ZNF469: variants seen among roughly 807,000 people sequenced by gnomAD.
The protein encoded by ZNF469 is zinc finger protein 469.
Under a neutral mutation model 1.0 loss-of-function variants are expected in ZNF469, and 1 was observed. The ratio of observed to expected loss-of-function variants is 1.00; its 90% confidence interval spans 0.35 to 4.73. The LOEUF is 4.73. Among genes scored for constraint, ZNF469 ranks in the 30% most tolerant of loss-of-function variants. ZNF469 has a pLI of 0.16. For synonymous variants in ZNF469, 2,703 were observed against 2,363.4 expected, an observed-to-expected ratio of 1.14 and a Z score of -4.17; for missense variants, 6,100 against 5,356.3, an observed-to-expected ratio of 1.14 and a Z score of -4.33.
the ZNF469 span, among the ~76,000 whole-genome samples, chr16:88,260,297 G>T: frequency 3.9e-5 from 6 of 152,178 alleles, no homozygotes; most frequent in African/African-American, 1.4e-4. The surrounding 1 kb of genome is among the most constrained non-coding windows in gnomAD (Gnocchi z 4.1). Flanking sequence ...CCAAAAAGTC[G>T]CTTTAAAAAG....
chr16:88,416,600 GC>G (rs2142287258), intron 1 of ZNF469, among the ~76,000 whole-genome samples: 1 of 152,338 alleles, frequency 6.6e-6, no homozygotes, highest in East Asian at 1.9e-4. Flanking sequence ...CACTTCAGAC[GC>G]CACCACCATT....
At chr16:88,128,677 C>T in the ZNF469 span, among the ~76,000 whole-genome samples, 1 of 152,238 alleles carries the variant, frequency 6.6e-6, no homozygotes, top group Non-Finnish European at 1.5e-5. Context: ...GAGCCTGCTC[C>T]CCATGACGCT....
the ZNF469 span, among the ~76,000 whole-genome samples, chr16:88,115,111 C>T: frequency 6.6e-5 from 10 of 152,158 alleles, no homozygotes; most frequent in Non-Finnish European, 1.2e-4. Flanking sequence ...CTGTCTTAAC[C>T]ATGCTGCCTG....
upstream of ZNF469, among the ~76,000 whole-genome samples, chr16:88,380,484 T>G (rs1194086330): frequency 1.2e-5 from 1 of 83,464 alleles, no homozygotes; most frequent in Non-Finnish European, 2.4e-5. Flanking sequence ...CACACATACG[T>G]GCACACACAC....
At chr16:88,101,965 T>C in the ZNF469 span, among the ~76,000 whole-genome samples, 3 of 152,012 alleles carry the variant, frequency 2.0e-5, no homozygotes, top group Non-Finnish European at 4.4e-5. Flanking sequence ...CAGGTCAGGA[T>C]TGTAAACTCC....
At chr16:88,297,701 T>C in the ZNF469 span, among the ~76,000 whole-genome samples, 1 of 152,126 alleles carries the variant, frequency 6.6e-6, no homozygotes, top group Non-Finnish European at 1.5e-5. Context: ...CGGAGCCCCC[T>C]CTGCCTCCCT....
chr16:88,300,124 G>C, the ZNF469 span, among the ~76,000 whole-genome samples: 1 of 152,202 alleles, frequency 6.6e-6, no homozygotes, highest in Non-Finnish European at 1.5e-5. Flanking sequence ...CCTGGGAAAA[G>C]GAAACTGGAA....
the ZNF469 span, among the ~76,000 whole-genome samples, chr16:88,359,077 G>A: frequency 2.6e-5 from 4 of 152,230 alleles, no homozygotes; most frequent in African/African-American, 4.8e-5. Context: ...CTGCCCCAAA[G>A]ATGCTGTCAC....
chr16:88,433,145 G>A lies in ZNF469; in HGVS notation c.5675G>A (p.Arg1892Lys), dbSNP rs528085780. The A allele has an allele frequency of 2.9e-4, 456 of 1,550,358 alleles. 1 individual carries two copies. The highest frequency in any genetic ancestry group is 5.9e-4 in the South Asian group (50 of 84,066). Reference protein sequence around the residue: ...ACVSNTHPSRRSQDPALSPPI... With the variant: ...ACVSNTHPSRKSQDPALSPPI... Reference sequence around the variant, plus strand: ...GTATCCAACACCCACCCTAGCAGGAGGTCCCAGGACCCAGCTTTGAGCCCC... The same window carrying A: ...GTATCCAACACCCACCCTAGCAGGAAGTCCCAGGACCCAGCTTTGAGCCCC... The change falls in exon 3 of 3, where the codon AGG (arginine) becomes AAG (lysine). Residue 1892 changes from arginine to lysine, a missense_variant. Arg to Lys is a conservative substitution (Grantham distance 26). Transcript: ENST00000565624.
At chr16:88,207,665 A>C in the ZNF469 span, among the ~76,000 whole-genome samples, 5 of 150,984 alleles carry the variant, frequency 3.3e-5, no homozygotes, top group Non-Finnish European at 7.4e-5. Flanking sequence ...GCCGCCCTGC[A>C]CCTGGGAGAG....
chr16:88,241,991 G>A, the ZNF469 span, among the ~76,000 whole-genome samples: 1 of 152,186 alleles, frequency 6.6e-6, no homozygotes, highest in Non-Finnish European at 1.5e-5. This position sits in a 1 kb window ranked among gnomAD's most constrained non-coding sequence, Gnocchi z 4.8. Flanking sequence ...GAGGAAGGGG[G>A]TTCATGCCGT....
chr16:88,370,743 G>A, the ZNF469 span, among the ~76,000 whole-genome samples: 24 of 152,296 alleles, frequency 1.6e-4, no homozygotes, highest in South Asian at 4.1e-3. Flanking sequence ...GTCTGAGGCC[G>A]AGCTGTGGGA....
the ZNF469 span, among the ~76,000 whole-genome samples, chr16:88,338,960 A>T: frequency 6.6e-6 from 1 of 151,806 alleles, no homozygotes; most frequent in East Asian, 2.0e-4. Flanking sequence ...AGTTTATGGC[A>T]CTTTGTTCTG....
At chr16:88,294,019 A>G in the ZNF469 span, among the ~76,000 whole-genome samples, 1 of 152,216 alleles carries the variant, frequency 6.6e-6, no homozygotes. Context: ...TCCGAGTGCC[A>G]GGACTGTGCA....
the ZNF469 span, among the ~76,000 whole-genome samples, chr16:88,316,972 G>C: frequency 6.6e-6 from 1 of 152,180 alleles, no homozygotes; most frequent in East Asian, 1.9e-4. Context: ...TCTAAACCCA[G>C]AACACCTGAC....
chr16:88,373,443 G>A, the ZNF469 span, among the ~76,000 whole-genome samples: 1 of 152,208 alleles, frequency 6.6e-6, no homozygotes, highest in South Asian at 2.1e-4. Context: ...CCTGTGTGGA[G>A]GCGGATGGGG....
chr16:88,289,195 TTGATGATGGTGATGGTGG>T, the ZNF469 span, among the ~76,000 whole-genome samples: 1 of 139,948 alleles, frequency 7.1e-6, no homozygotes, highest in African/African-American at 2.8e-5. Context: ...GATGATTAGG[TTGATGATGGTGATGGTGG>T]TGATGATGAG....
the ZNF469 span, chr16:88,193,788 G>C: frequency 6.6e-6 from 1 of 152,240 alleles, no homozygotes; most frequent in Non-Finnish European, 1.5e-5. Flanking sequence ...GGAAGTCCAA[G>C]ATTAAGATCT....
chr16:88,219,912 C>G, the ZNF469 span, among the ~76,000 whole-genome samples: 1 of 152,178 alleles, frequency 6.6e-6, no homozygotes. Flanking sequence ...GTGCCCACAA[C>G]TGGCAGATGC....
Sources: allele counts gnomAD v4.1 joint callset (sites outside exome capture counted in the v4.1 genomes callset), GRCh38; gene constraint gnomAD v4.1.1; non-coding constraint Gnocchi (gnomAD v3.1); transcripts MANE v1.5; gene names NCBI Gene and HGNC (gene_info 2026-07-23, HGNC 2026-07-21).